Variants in IARS1 observed in about 807,000 individuals in gnomAD.
IARS1 encodes the protein isoleucyl-tRNA synthetase 1.
IARS1 carries 124 observed loss-of-function variants against 168.2 expected under a neutral mutation model. The observed-to-expected ratio is 0.74, with a 90% CI of 0.64 to 0.86. IARS1 has a LOEUF of 0.86. IARS1 is among the 40% of genes least tolerant of loss of function. IARS1 has a pLI of 0.00. For missense variants in IARS1, 1,452 were observed against 1,515.8 expected (o/e 0.96, Z 0.70); for synonymous variants, 532 against 529.4 (o/e 1.00, Z -0.07).
intron 22 of IARS1, among the ~76,000 whole-genome samples, chr9:92,251,560 A>G (rs1564171805): frequency 1.3e-5 from 2 of 152,202 alleles, no homozygotes; most frequent in African/African-American, 4.8e-5. Context: ...TCTAGAGCCA[A>G]GGGCCCTGAC....
intron 1 of IARS1, 171 bp downstream of exon 1, chr9:92,293,440 C>A: frequency 1.9e-6 from 1 of 532,726 alleles, no homozygotes; most frequent in South Asian, 1.4e-5. Context: ...TCAAACACTA[C>A]CTCATTCAAA....
intron 14 of IARS1, 35 bp from the exon 15 acceptor site, chr9:92,265,588 TAG>T (rs1832176314): frequency 6.6e-7 from 1 of 1,509,536 alleles, no homozygotes; most frequent in Non-Finnish European, 9.2e-7. Context: ...AGGAGCTCCT[TAG>T]AGCCAAACAG....
At chr9:92,230,021 T>C (rs974044320) in intron 30 of IARS1, among the ~76,000 whole-genome samples, 2 of 152,204 alleles carry the variant, frequency 1.3e-5, no homozygotes, top group Non-Finnish European at 2.9e-5. Flanking sequence ...TCTCCATTTC[T>C]ATAATCTTAT....
At chr9:92,259,251 C>T (rs553891292) in intron 18 of IARS1, among the ~76,000 whole-genome samples, 3 of 152,320 alleles carry the variant, frequency 2.0e-5, no homozygotes, top group African/African-American at 7.2e-5. Flanking sequence ...AGAAATGCAT[C>T]TTATGCCACT....
chr9:92,233,468 ACT>A (rs1446465443), intron 30 of IARS1, among the ~76,000 whole-genome samples: 1 of 152,186 alleles, frequency 6.6e-6, no homozygotes, highest in Non-Finnish European at 1.5e-5. Context: ...AATGGAAAGG[ACT>A]CTGACAAGTA....
intron 6 of IARS1, among the ~76,000 whole-genome samples, chr9:92,282,853 TA>T (rs1344458921): frequency 1.7e-3 from 250 of 143,210 alleles, no homozygotes; most frequent in African/African-American, 6.1e-3. Context: ...TATATATATA[TA>T]TATATATTTT....
intron 1 of IARS1, 127 bp from the exon 2 acceptor site, chr9:92,289,553 A>C (rs898381325): frequency 4.8e-6 from 3 of 623,910 alleles, no homozygotes; most frequent in Non-Finnish European, 8.7e-6. Flanking sequence ...ATTGATGTAC[A>C]ATTTACATAG....
chr9:92,243,165 A>G (rs1244613004), intron 28 of IARS1, 51 bp downstream of exon 28: 12 of 1,403,928 alleles, frequency 8.5e-6, no homozygotes, highest in Middle Eastern at 1.8e-4. Context: ...CCAAACAACC[A>G]AAACAAACAA....
At chr9:92,225,517 G>A (rs914261472) in intron 31 of IARS1, among the ~76,000 whole-genome samples, 24 of 151,162 alleles carry the variant, frequency 1.6e-4, no homozygotes, top group Admixed American at 3.3e-4. Context: ...TTTCTATCTC[G>A]TTTTGGGTAA....
chr9:92,282,266 T>C (rs1010485323), intron 6 of IARS1, among the ~76,000 whole-genome samples: 2 of 152,156 alleles, frequency 1.3e-5, no homozygotes, highest in African/African-American at 4.8e-5. Context: ...ACTCTCCGCT[T>C]TTCTGTGAGT....
At chr9:92,245,175 A>G in intron 26 of IARS1, 104 bp from the exon 27 acceptor site, 2 of 868,752 alleles carry the variant, frequency 2.3e-6, no homozygotes, top group Non-Finnish European at 1.9e-6. Context: ...ACAATAACAA[A>G]GCCACAGAGG....
intron 21 of IARS1, chr9:92,252,377 T>C (rs1167402964): frequency 1.9e-6 from 1 of 516,768 alleles, no homozygotes; most frequent in Non-Finnish European, 3.9e-6. Context: ...ACTGTAAGCA[T>C]CTTAGCATAT....
At chr9:92,292,239 A>G (rs956895627) in intron 1 of IARS1, among the ~76,000 whole-genome samples, 2 of 139,630 alleles carry the variant, frequency 1.4e-5, no homozygotes, top group African/African-American at 5.4e-5. Context: ...GGGTTTTGCC[A>G]TGTTGCCCTG....
rs1318953330 is a variant in IARS1 at position 92,217,965 on chromosome 9, C to A, written c.3706+4555G>T. ...CTGATACCAAAGCCAGGCAGAGACACAACCAAAAAAGAGAATTTTAGACCA... is the reference window on the plus strand; with the variant it reads ...CTGATACCAAAGCCAGGCAGAGACAAAACCAAAAAAGAGAATTTTAGACCA... On this transcript the variant is annotated intron_variant, in intron 33 of 33. Coordinates refer to ENST00000443024, the MANE Select transcript of IARS1 (RefSeq NM_002161.6). Among the ~76,000 whole-genome samples the A allele has an allele frequency of 2.8e-4, 43 of 152,080 alleles. 1 individual carries two copies. The South Asian group carries it at 6.2e-3, about 22-fold the overall frequency.
In IARS1 at chr9:92,277,918, G is replaced by C. The variant is rs76462374; in HGVS notation, c.839C>G (p.Pro280Arg). The C allele has an allele frequency of 6.2e-7, 1 of 1,613,470 alleles. No individual in the cohort carries two copies. Among genetic ancestry groups the C allele is most frequent in the East Asian group, 2.2e-5 (1 of 44,868 alleles). ...CTTCTTGCCTTTAAGATAGGCACCA[G>C]GAAATCTAGAAAAGGAGAAAGGCAA... ...ESDYEILERF[P>R]GAYLKGKKYR... Residue 280 changes from proline to arginine, a missense_variant, in exon 9 of 34, where the codon CCT (proline) becomes CGT (arginine). Physicochemically the swap from Pro to Arg is moderately radical, Grantham distance 103 (BLOSUM62 -2). Transcript: ENST00000443024.
chr9:92,252,469 CT>C (rs1830142305), intron 21 of IARS1: 2 of 479,068 alleles, frequency 4.2e-6, no homozygotes, highest in Non-Finnish European at 8.4e-6. Flanking sequence ...TTATTAATGC[CT>C]TTTAAGACAT....
intron 6 of IARS1, among the ~76,000 whole-genome samples, chr9:92,281,894 G>A (rs927782460): frequency 2.6e-5 from 4 of 152,112 alleles, no homozygotes; most frequent in Admixed American, 2.6e-4. Flanking sequence ...AGAGACTAAA[G>A]AGCTCTTTAA....
In IARS1 at chr9:92,220,133, T is replaced by C. The variant is rs985416265; in HGVS notation, c.3706+2387A>G. Among the ~76,000 whole-genome samples, 5 of 148,714 alleles carry C rather than the reference T, an allele frequency of 3.4e-5. No individual in the cohort carries two copies. In the South Asian group the frequency reaches 6.6e-4, roughly 20 times the overall value. On this transcript the variant is annotated intron_variant, in intron 33 of 33. Coordinates refer to ENST00000443024, the MANE Select transcript of IARS1 (RefSeq NM_002161.6). ...GTCCTTTGTAGGGACATGGATGAAA[T>C]TGGAAATCATCATTCTCAGTAAACT... is the stretch of plus-strand genomic sequence containing the variant.
intron 26 of IARS1, among the ~76,000 whole-genome samples, chr9:92,245,429 G>T (rs969259348): frequency 6.6e-6 from 1 of 152,206 alleles, no homozygotes; most frequent in South Asian, 2.1e-4. Context: ...TAAAGAGAAA[G>T]TGAACTTAGG....
Sources: allele counts gnomAD v4.1 joint callset (sites outside exome capture counted in the v4.1 genomes callset), GRCh38; gene constraint gnomAD v4.1.1; transcripts MANE v1.5; gene names NCBI Gene and HGNC (gene_info 2026-07-23, HGNC 2026-07-21).